DLC1: variants seen among roughly 807,000 people sequenced by gnomAD.
DLC1 encodes DLC1 Rho GTPase activating protein.
Under a neutral mutation model 140.3 loss-of-function variants are expected in DLC1, and 54 were observed. That is an observed-to-expected ratio of 0.38 (90% CI 0.31 to 0.48). DLC1 has a LOEUF of 0.48. Ranked by LOEUF, DLC1 falls within the 20% of genes least tolerant of loss-of-function variation. The pLI, the probability that DLC1 is intolerant of heterozygous loss-of-function variation, is 0.96. For missense variants in DLC1, 2,536 were observed against 1,907.0 expected (o/e 1.33, Z -6.14); for synonymous variants, 986 against 728.1 (o/e 1.35, Z -5.70).
intron 1 of DLC1, among the ~76,000 whole-genome samples, chr8:13,531,648 A>G (rs1803101953): frequency 6.6e-6 from 1 of 152,144 alleles, no homozygotes; most frequent in Non-Finnish European, 1.5e-5. Flanking sequence ...TAGTAATAAC[A>G]TTAATAATAG....
rs757688223 is a variant in DLC1, at chr8:13,085,848, T to C, written c.4550A>G (p.Asn1517Ser). ...EVVKIRDSFS[N>S]QNTETKDTKS... ...GGTGTCTTTGGTTTCAGTGTTCTGG[T>C]TACTGAAGGAATCCCGGATCTTTAC... Residue 1517 changes from asparagine (N) to serine (S), a missense_variant, in exon 18 of 18, where the codon AAC (asparagine) becomes AGC (serine). By Grantham distance (46) the Asn-to-Ser change is conservative. Coordinates refer to ENST00000276297, the MANE Select transcript of DLC1 (RefSeq NM_182643.3). 1.9e-6 allele frequency: 3 copies of C among 1,614,168 alleles called. No individual in the cohort carries two copies. The highest frequency in any genetic ancestry group is 1.1e-5 in the South Asian group (1 of 91,084).
chr8:13,177,876 T>C (rs995034021), intron 5 of DLC1, among the ~76,000 whole-genome samples: 3 of 152,192 alleles, frequency 2.0e-5, no homozygotes, highest in African/African-American at 7.2e-5. Context: ...AATAAACTTA[T>C]TTCTTCTCTT....
chr8:13,497,935 T>C (rs1801589843), intron 2 of DLC1, among the ~76,000 whole-genome samples: 1 of 152,200 alleles, frequency 6.6e-6, no homozygotes, highest in Non-Finnish European at 1.5e-5. Context: ...TCACGACACA[T>C]TACTGATCTA....
chr8:13,217,329 C>T (rs929793269), intron 5 of DLC1, among the ~76,000 whole-genome samples: 4 of 152,088 alleles, frequency 2.6e-5, no homozygotes, highest in East Asian at 1.9e-4. Context: ...CATTTTACAA[C>T]GTTATTAATA....
At chr8:13,306,367 C>T (rs536474013) in intron 4 of DLC1, among the ~76,000 whole-genome samples, 3 of 152,164 alleles carry the variant, frequency 2.0e-5, no homozygotes, top group Non-Finnish European at 4.4e-5. Context: ...TCTCATTCAT[C>T]TCAGTTACTC....
chr8:13,524,763 A>G (rs563561499), intron 1 of DLC1, among the ~76,000 whole-genome samples: 112 of 149,898 alleles, frequency 7.5e-4, no homozygotes, highest in African/African-American at 2.6e-3. Flanking sequence ...TCATTTTTTC[A>G]ATTCATCTCT....
At chr8:13,228,751 T>C (rs543582539) in intron 5 of DLC1, among the ~76,000 whole-genome samples, 2 of 152,128 alleles carry the variant, frequency 1.3e-5, no homozygotes, top group Admixed American at 1.3e-4. Context: ...CTCTGTCTCT[T>C]TAAAAACAAT....
intron 5 of DLC1, chr8:13,276,148 T>G: frequency 1.4e-6 from 2 of 1,399,488 alleles, no homozygotes; most frequent in Non-Finnish European, 1.9e-6. Context: ...GAATGAAACT[T>G]CAACCAGCTG....
rs200684132 is a variant in DLC1, at chr8:13,444,786, T to A, written c.1024-43167A>T. On this transcript the variant is annotated intron_variant, in intron 2 of 17. Transcript: ENST00000276297. ...ATTCAGGATGATGATTTTTAGTATT[T>A]AGTGACTATAATCGTTCAAGGAAAT... 2.0e-5 allele frequency among the ~76,000 whole-genome samples: 3 copies of A among 152,178 alleles called. No homozygotes were observed. The East Asian group carries it at 5.8e-4, about 29-fold the overall frequency.
intron 2 of DLC1, among the ~76,000 whole-genome samples, chr8:13,486,811 A>G (rs567291912): frequency 2.6e-5 from 4 of 152,368 alleles, no homozygotes; most frequent in African/African-American, 4.8e-5. Context: ...TTATCCTACA[A>G]CAAAACGAAG....
At chr8:13,147,099 A>T (rs1823488607) in intron 5 of DLC1, among the ~76,000 whole-genome samples, 1 of 152,230 alleles carries the variant, frequency 6.6e-6, no homozygotes, top group Non-Finnish European at 1.5e-5. Context: ...GGAACCATTC[A>T]TCAGTAACAA....
At chr8:13,115,795 G>A (rs898081608) in intron 5 of DLC1, 138 bp from the exon 6 acceptor site, 8 of 740,402 alleles carry the variant, frequency 1.1e-5, no homozygotes, top group East Asian at 8.1e-5. Context: ...AGACATACAC[G>A]CTTAATTCGA....
intron 2 of DLC1, among the ~76,000 whole-genome samples, chr8:13,444,735 G>A (rs556780265): frequency 2.6e-5 from 4 of 152,182 alleles, no homozygotes; most frequent in Admixed American, 2.0e-4. Flanking sequence ...AAGAATAGAA[G>A]CAAATATCAT....
At chr8:13,172,368 T>A (rs74834049) in intron 5 of DLC1, among the ~76,000 whole-genome samples, 15,179 of 152,206 alleles carry the variant, frequency 0.1, 805 homozygotes, top group South Asian at 0.16. Flanking sequence ...AGGTATTCAG[T>A]ACCTTGTAGT....
intron 3 of DLC1, among the ~76,000 whole-genome samples, chr8:13,394,869 C>A (rs932686903): frequency 6.6e-6 from 1 of 152,160 alleles, no homozygotes; most frequent in African/African-American, 2.4e-5. Context: ...CTTCTTGTCA[C>A]TCTGTTGTCA....
intron 4 of DLC1, among the ~76,000 whole-genome samples, chr8:13,321,561 A>AG (rs1833122361): frequency 2.5e-5 from 2 of 80,608 alleles, no homozygotes; most frequent in African/African-American, 8.2e-5. Context: ...AAAAAAAAAA[A>AG]AAAAAGAAAC....
At position 13,085,702 on chromosome 8, in the gene DLC1, T is replaced by G; in HGVS notation, c.*109A>C. ...TATAGTCAATTCCTACACTCCAGCT[T>G]GTAGTTTTCTTTGTTTCAGGATTAG... On this transcript the variant is annotated 3_prime_UTR_variant, in exon 18 of 18. Transcript: ENST00000276297. 3 of 1,505,724 alleles carry G rather than the reference T, an allele frequency of 2.0e-6. No homozygotes were observed. In the East Asian group the frequency reaches 6.8e-5, roughly 34 times the overall value. 93.3% of individuals were successfully genotyped at this position (1,505,724 alleles called of 1,614,324 possible).
chr8:13,401,926 G>T (rs1347341936), intron 2 of DLC1, among the ~76,000 whole-genome samples: 2 of 152,076 alleles, frequency 1.3e-5, no homozygotes, highest in Admixed American at 6.5e-5. Context: ...TTTGGGAAAG[G>T]TTATATATTT....
intron 5 of DLC1, among the ~76,000 whole-genome samples, chr8:13,136,340 C>T (rs1822558842): frequency 6.6e-6 from 1 of 152,108 alleles, no homozygotes. Context: ...CTCCCTCTCT[C>T]CCCACTCTAG....
Sources: allele counts gnomAD v4.1 joint callset (sites outside exome capture counted in the v4.1 genomes callset), GRCh38; gene constraint gnomAD v4.1.1; transcripts MANE v1.5; gene names NCBI Gene and HGNC (gene_info 2026-07-23, HGNC 2026-07-21).